Variants in CLASP1 observed in about 807,000 individuals in gnomAD.
CLASP1 encodes the protein cytoplasmic linker associated protein 1.
Under a neutral mutation model 192.3 loss-of-function variants are expected in CLASP1, and 38 were observed. The observed-to-expected ratio is 0.20, with a 90% CI of 0.15 to 0.26. The LOEUF is 0.26. CLASP1 is among the 10% of genes least tolerant of loss of function. The pLI, the probability that CLASP1 is intolerant of heterozygous loss-of-function variation, is 1.00. For missense variants in CLASP1, 1,433 were observed against 1,932.5 expected, an observed-to-expected ratio of 0.74 and a Z score of 4.85; for synonymous variants, 691 against 712.8, an observed-to-expected ratio of 0.97 and a Z score of 0.49.
At chr2:121,598,076 T>C (rs546593650) in intron 2 of CLASP1, among the ~76,000 whole-genome samples, 2 of 152,350 alleles carry the variant, frequency 1.3e-5, no homozygotes, top group African/African-American at 4.8e-5. Context: ...AGGACAGCCA[T>C]ATTCAAAATT....
chr2:121,531,079 T>TAAAC (rs2104793890), intron 2 of CLASP1: 1 of 686,942 alleles, frequency 1.5e-6, no homozygotes, highest in African/African-American at 1.8e-5. Context: ...ACTTTGTGGT[T>TAAAC]AAACCAGTAG....
At chr2:121,448,737 G>A (rs144955568) in intron 17 of CLASP1, among the ~76,000 whole-genome samples, 1,777 of 152,210 alleles carry the variant, frequency 0.012, 39 homozygotes, top group African/African-American at 0.04. Context: ...TAGGACTGCC[G>A]TATACATTTA....
chr2:121,519,472 C>A (rs2150376318), intron 6 of CLASP1, among the ~76,000 whole-genome samples: 1 of 152,302 alleles, frequency 6.6e-6, no homozygotes, highest in South Asian at 2.1e-4. Flanking sequence ...ACAGCTTTAC[C>A]AGGCCTTCTA....
intron 19 of CLASP1, among the ~76,000 whole-genome samples, chr2:121,443,992 G>A (rs1344290271): frequency 6.6e-6 from 1 of 152,172 alleles, no homozygotes; most frequent in Non-Finnish European, 1.5e-5. Context: ...TGAACTAGCT[G>A]TTCCTAATTG....
chr2:121,491,126 T>C (rs1428539727), intron 8 of CLASP1, among the ~76,000 whole-genome samples: 1 of 152,234 alleles, frequency 6.6e-6, no homozygotes, highest in Admixed American at 6.5e-5. Context: ...CTGATACCTG[T>C]AATATTTTTC....
intron 37 of CLASP1, among the ~76,000 whole-genome samples, chr2:121,354,269 A>G (rs1234963981): frequency 6.6e-6 from 1 of 152,226 alleles, no homozygotes; most frequent in Non-Finnish European, 1.5e-5. Flanking sequence ...TCCAGGTGAC[A>G]CACTGGAAAA....
chr2:121,643,413 G>A (rs2072532858), intron 1 of CLASP1, among the ~76,000 whole-genome samples: 1 of 152,176 alleles, frequency 6.6e-6, no homozygotes, highest in South Asian at 2.1e-4. Flanking sequence ...ACATTAAGCT[G>A]AGAGACAGAA....
At chr2:121,595,543 G>C (rs1390817115) in intron 2 of CLASP1, among the ~76,000 whole-genome samples, 1 of 152,196 alleles carries the variant, frequency 6.6e-6, no homozygotes, top group African/African-American at 2.4e-5. Flanking sequence ...ACAAGGGAAA[G>C]TATAAGTGTT....
chr2:121,564,390 C>A (rs1464694659), intron 2 of CLASP1, among the ~76,000 whole-genome samples: 2 of 152,116 alleles, frequency 1.3e-5, no homozygotes, highest in East Asian at 1.9e-4. Context: ...GGTTTGAGTT[C>A]TATAATTAAG....
At chr2:121,589,351 C>T (rs536608180) in intron 2 of CLASP1, among the ~76,000 whole-genome samples, 6 of 152,264 alleles carry the variant, frequency 3.9e-5, no homozygotes, top group African/African-American at 1.2e-4. Context: ...CACTATAGGC[C>T]GGGTGCGGTG....
chr2:121,469,151 A>G (rs1559327355), intron 9 of CLASP1, among the ~76,000 whole-genome samples: 1 of 152,124 alleles, frequency 6.6e-6, no homozygotes, highest in South Asian at 2.1e-4. Flanking sequence ...CCCTTCCTGC[A>G]TGAAGAGCCT....
intron 19 of CLASP1, among the ~76,000 whole-genome samples, chr2:121,435,310 C>T (rs1009062280): frequency 4.6e-5 from 7 of 152,152 alleles, no homozygotes; most frequent in African/African-American, 1.7e-4. Flanking sequence ...GTTTCGTTCT[C>T]GTTGCCCAGG....
chr2:121,374,748 C>G (rs546061756), intron 34 of CLASP1, among the ~76,000 whole-genome samples: 10 of 152,336 alleles, frequency 6.6e-5, no homozygotes, highest in African/African-American at 2.2e-4. Context: ...TTCAGACTTG[C>G]ATGGGGCCTG....
chr2:121,341,592 A>G (rs182013491), intron 39 of CLASP1, among the ~76,000 whole-genome samples: 64 of 152,392 alleles, frequency 4.2e-4, no homozygotes, highest in Admixed American at 1.2e-3. Context: ...AAGGATATAA[A>G]AAGATATTCC....
At chr2:121,605,946 C>A in exon 2 of CLASP1, 4 of 1,542,514 alleles carry the variant, frequency 2.6e-6, no homozygotes, top group Non-Finnish European at 3.6e-6. Context: ...GTCACGATGA[C>A]TCCCTCCCAG....
intron 8 of CLASP1, among the ~76,000 whole-genome samples, chr2:121,487,409 C>A (rs2093044116): frequency 6.6e-6 from 1 of 152,144 alleles, no homozygotes; most frequent in South Asian, 2.1e-4. Context: ...ACACGCAGAT[C>A]AACTGTTACC....
At chr2:121,499,125 A>G (rs764589718) in intron 8 of CLASP1, among the ~76,000 whole-genome samples, 13 of 152,240 alleles carry the variant, frequency 8.5e-5, no homozygotes, top group South Asian at 6.2e-4. Flanking sequence ...TTTTACATCA[A>G]TGTTCAAAGA....
chr2:121,528,475 T>C (rs2094640471), intron 4 of CLASP1, among the ~76,000 whole-genome samples: 1 of 152,248 alleles, frequency 6.6e-6, no homozygotes, highest in South Asian at 2.1e-4. Context: ...TTAAATCCAC[T>C]AATTTACTCA....
chr2:121,478,716 A>ACACACAC (rs2092034627), intron 8 of CLASP1, among the ~76,000 whole-genome samples: 1 of 23,592 alleles, frequency 4.2e-5, no homozygotes, highest in East Asian at 1.7e-3. Context: ...CCACACACAC[A>ACACACAC]ACCACACACA....
Sources: allele counts gnomAD v4.1 joint callset (sites outside exome capture counted in the v4.1 genomes callset), GRCh38; gene constraint gnomAD v4.1.1; transcripts MANE v1.5; gene names NCBI Gene and HGNC (gene_info 2026-07-23, HGNC 2026-07-21).